NNT: variants seen among roughly 807,000 people sequenced by gnomAD.
NNT encodes the protein nicotinamide nucleotide transhydrogenase.
In NNT, 50 loss-of-function variants were observed where a neutral mutation model predicts 104.8. The observed-to-expected ratio is 0.48, with a 90% CI of 0.38 to 0.60. The LOEUF (loss-of-function observed/expected upper bound fraction) is 0.60, where lower values mean the gene tolerates loss of function less well. Among genes scored for constraint, NNT ranks in the 20% least tolerant of loss-of-function variants. The pLI, the probability that NNT is intolerant of heterozygous loss-of-function variation, is 0.00. For synonymous variants in NNT, 461 were observed against 490.4 expected, an observed-to-expected ratio of 0.94 and a Z score of 0.79; for missense variants, 1,131 against 1,330.7, an observed-to-expected ratio of 0.85 and a Z score of 2.33.
rs559426655 is a variant in NNT at position 43,623,212 on chromosome 5, G to T, written c.688-820G>T. On this transcript the variant is annotated intron_variant, in intron 5 of 21. Coordinates refer to ENST00000344920, the MANE Select transcript of NNT (RefSeq NM_182977.3). The stretch of plus-strand genomic sequence containing the variant: ...GCAGAAGGACATGTGGGCATGATGG[G>T]TGGGTGGCAATTTGTAAGCTTCACT... Among the ~76,000 whole-genome samples, 129 of 152,302 alleles carry T rather than the reference G, an allele frequency of 8.5e-4. No individual in the cohort carries two copies. In the Middle Eastern group the frequency reaches 0.014, roughly 16 times the overall value.
Position 43,644,329 on chromosome 5 carries a change from T to G in NNT, c.1098+4T>G. 1 of 1,611,264 alleles carries G rather than the reference T, an allele frequency of 6.2e-7. No homozygotes were observed. Among genetic ancestry groups the G allele is most frequent in the Non-Finnish European group, 8.5e-7 (1 of 1,179,490 alleles). ...AGGAGAACTCTACATTCATAAGGTA[T>G]AGCAAGATGCGTTTTCTATCTGTGA... is the stretch of plus-strand genomic sequence containing the variant. On this transcript the variant is annotated splice_donor_region_variant and intron_variant, in intron 8 of 21. Coordinates refer to ENST00000344920, the MANE Select transcript of NNT (RefSeq NM_182977.3).
At chr5:43,605,534 A>AG (rs1749172306) in intron 1 of NNT, among the ~76,000 whole-genome samples, 1 of 150,820 alleles carries the variant, frequency 6.6e-6, no homozygotes, top group Non-Finnish European at 1.5e-5. Flanking sequence ...AAAAAAAAAA[A>AG]AAAAAAAAAA....
intron 2 of NNT, among the ~76,000 whole-genome samples, chr5:43,612,093 A>G (rs10461742): frequency 0.028 from 4,296 of 152,208 alleles, 85 homozygotes; most frequent in South Asian, 0.055. Flanking sequence ...TTAAATATCT[A>G]CTACTGATGT....
chr5:43,701,307 C>A (rs749942345), intron 20 of NNT, among the ~76,000 whole-genome samples: 1 of 152,098 alleles, frequency 6.6e-6, no homozygotes, highest in Non-Finnish European at 1.5e-5. Flanking sequence ...GTGTTTAGCT[C>A]CCACATATAA....
At chr5:43,700,413 C>T (rs1742788830) in intron 20 of NNT, among the ~76,000 whole-genome samples, 176 bp downstream of exon 20, 2 of 152,158 alleles carry the variant, frequency 1.3e-5, no homozygotes, top group African/African-American at 2.4e-5. Flanking sequence ...GAATAAGGTA[C>T]AAAAGATTCG....
At chr5:43,654,428 A>T (rs2111922243) in intron 14 of NNT, among the ~76,000 whole-genome samples, 1 of 152,388 alleles carries the variant, frequency 6.6e-6, no homozygotes, top group Middle Eastern at 3.4e-3. Flanking sequence ...ATAATCTTCC[A>T]GTATTTGAAA....
At position 43,644,241 on chromosome 5, in the gene NNT, G is replaced by A. The variant is rs1209333666; in HGVS notation, c.1014G>A (p.Lys338=). The A allele has an allele frequency of 2.5e-6, 4 of 1,612,674 alleles. No homozygotes were observed. Among genetic ancestry groups the A allele is most frequent in the Non-Finnish European group, 3.4e-6 (4 of 1,179,550 alleles). ...ATAAAGAAATGATTGAGTCAATGAA[G>A]GAAGGTTCAGTTGTTGTGGATTTAG... is the stretch of plus-strand genomic sequence containing the variant. The part of the protein sequence containing the change: ...LFNKEMIESM[K]EGSVVVDLAA... The change falls in exon 8 of 22, where the codon AAG becomes AAA. Residue 338 remains lysine, a synonymous_variant. Transcript: ENST00000344920.
intron 7 of NNT, among the ~76,000 whole-genome samples, chr5:43,629,136 G>T (rs953226718): frequency 1.3e-5 from 2 of 151,978 alleles, no homozygotes; most frequent in African/African-American, 4.8e-5. Flanking sequence ...ACAATGTTTA[G>T]TCTTTTATCC....
chr5:43,693,829 A>C (rs1364740108), intron 19 of NNT, among the ~76,000 whole-genome samples: 2 of 152,250 alleles, frequency 1.3e-5, no homozygotes, highest in Non-Finnish European at 2.9e-5. Flanking sequence ...ACCTAAAACT[A>C]ATGAATGGCT....
chr5:43,642,867 A>AG (rs1751307835), intron 7 of NNT, among the ~76,000 whole-genome samples: 1 of 151,756 alleles, frequency 6.6e-6, no homozygotes, highest in Admixed American at 6.6e-5. Context: ...CAGAATTGAA[A>AG]GCTTTCAGAA....
chr5:43,639,667 A>G (rs1014293024), intron 7 of NNT, among the ~76,000 whole-genome samples: 1 of 152,146 alleles, frequency 6.6e-6, no homozygotes, highest in Non-Finnish European at 1.5e-5. Flanking sequence ...CAATGAATGA[A>G]TGAATATTTG....
At chr5:43,656,597 T>G in intron 15 of NNT, 56 bp from the exon 16 acceptor site, 1 of 1,466,480 alleles carries the variant, frequency 6.8e-7, no homozygotes, top group South Asian at 1.3e-5. Flanking sequence ...GAAATGAACT[T>G]TATGTATTTT....
At position 43,707,164 on chromosome 5, in the gene NNT, G is replaced by A. The variant is rs1466932107; in HGVS notation, c.*2760G>A. 6.6e-6 allele frequency: 1 copy of A among 151,640 alleles called. No individual in the cohort carries two copies. Among genetic ancestry groups the A allele is most frequent in the African/African-American group, 2.4e-5 (1 of 41,320 alleles). 9.4% of individuals were successfully genotyped at this position (151,640 alleles called of 1,614,324 possible). A position where few individuals can be genotyped will look rare whatever the true frequency, so the allele number is the denominator to read the frequency against. On this transcript the variant is annotated 3_prime_UTR_variant, in exon 22 of 22. Transcript: ENST00000344920. ...GAAGCTATTTATAAAGAAGTTATTT[G>A]CTGAAATAAATGTGATCTTTCCCAT...
At chr5:43,703,552 G>A (rs532638637) in intron 21 of NNT, among the ~76,000 whole-genome samples, 9 of 152,230 alleles carry the variant, frequency 5.9e-5, no homozygotes, top group African/African-American at 2.2e-4. Context: ...CATTTGCACT[G>A]CTTCTGTTTT....
chr5:43,635,251 T>C (rs1750873259), intron 7 of NNT, among the ~76,000 whole-genome samples: 1 of 152,192 alleles, frequency 6.6e-6, no homozygotes, highest in South Asian at 2.1e-4. Flanking sequence ...GGTTCACATA[T>C]TGATGGGCAG....
At chr5:43,690,812 C>T (rs768851878) in intron 19 of NNT, among the ~76,000 whole-genome samples, 124 of 151,988 alleles carry the variant, frequency 8.2e-4, no homozygotes, top group Non-Finnish European at 8.2e-4. Context: ...GGGGGTTATG[C>T]ATGAGGGCAG....
chr5:43,614,983 A>G (rs966258502), intron 3 of NNT, among the ~76,000 whole-genome samples: 9 of 151,412 alleles, frequency 5.9e-5, no homozygotes, highest in Non-Finnish European at 7.4e-5. Flanking sequence ...TAAAAATACA[A>G]AAAATTAGCC....
chr5:43,641,905 T>C (rs957398436), intron 7 of NNT, among the ~76,000 whole-genome samples: 6 of 152,180 alleles, frequency 3.9e-5, no homozygotes, highest in Non-Finnish European at 8.8e-5. Context: ...AGTTGTTCTG[T>C]GGAGGTTGAA....
At chr5:43,669,558 G>A (rs1160241695) in intron 17 of NNT, among the ~76,000 whole-genome samples, 1 of 152,000 alleles carries the variant, frequency 6.6e-6, no homozygotes, top group Non-Finnish European at 1.5e-5. Flanking sequence ...TTTGTCATTG[G>A]TTCTGTTTAT....
Sources: allele counts gnomAD v4.1 joint callset (sites outside exome capture counted in the v4.1 genomes callset), GRCh38; gene constraint gnomAD v4.1.1; transcripts MANE v1.5; gene names NCBI Gene and HGNC (gene_info 2026-07-23, HGNC 2026-07-21).